The following CA12 variants were observed in gnomAD, a reference collection of about 807,000 sequenced individuals.
CA12 encodes carbonate dehydratase XII.
CA12 carries 36 observed loss-of-function variants against 46.8 expected under a neutral mutation model. That is an observed-to-expected ratio of 0.77 (90% CI 0.59 to 1.02). The LOEUF (loss-of-function observed/expected upper bound fraction) is 1.02, where lower values mean the gene tolerates loss of function less well. CA12 is among the 50% of genes least tolerant of loss of function. The pLI, the probability that CA12 is intolerant of heterozygous loss-of-function variation, is 0.00. For missense variants in CA12, 436 were observed against 451.4 expected, an observed-to-expected ratio of 0.97 and a Z score of 0.31; for synonymous variants, 202 against 187.0, an observed-to-expected ratio of 1.08 and a Z score of -0.65.
intron 1 of CA12, among the ~76,000 whole-genome samples, chr15:63,376,370 A>G (rs1470250050): frequency 1.3e-5 from 2 of 152,214 alleles, no homozygotes; most frequent in South Asian, 2.1e-4. Context: ...CCCTGCTTCC[A>G]TTAGACAAGG....
At chr15:63,377,359 C>G (rs1008762219) in intron 1 of CA12, among the ~76,000 whole-genome samples, 3 of 152,176 alleles carry the variant, frequency 2.0e-5, no homozygotes, top group African/African-American at 7.2e-5. Flanking sequence ...CATCCCCTTT[C>G]TCTCGTGGGA....
chr15:63,358,250 A>G (rs2152622196), intron 2 of CA12, among the ~76,000 whole-genome samples: 1 of 152,378 alleles, frequency 6.6e-6, no homozygotes, highest in Non-Finnish European at 1.5e-5. Flanking sequence ...GGAAAGGAAG[A>G]TGGAGAAAAT....
Position 63,346,596 on chromosome 15 carries a change from G to A in CA12, c.220C>T (p.Leu74Phe), listed in dbSNP as rs889321649. Residue 74 changes from leucine (L) to phenylalanine (F), a missense_variant, in exon 3 of 11, where the codon CTC becomes TTC. Coordinates refer to ENST00000178638, the MANE Select transcript of CA12 (RefSeq NM_001218.5). ...ILQYDASLTP[L>F]EFQGYNLSAN... Reference sequence around the variant, plus strand: ...GACAGATTGTAGCCTTGGAACTCGAGGGGCGTGAGGCTGGCGTCATACTGG... The same window carrying A: ...GACAGATTGTAGCCTTGGAACTCGAAGGGCGTGAGGCTGGCGTCATACTGG... 1.2e-6 allele frequency: 2 copies of A among 1,614,102 alleles called. No individual in the cohort carries two copies. Among genetic ancestry groups the A allele is most frequent in the Non-Finnish European group, 1.7e-6 (2 of 1,180,018 alleles).
chr15:63,329,172 G>C lies in CA12; in HGVS notation c.875-1042C>G, dbSNP rs182674162. Reference sequence around the variant, plus strand: ...GCCCATCAGCTTGTCATCATGGTTTGGTTCTATTTTTGCTTTGTCCCTCCT... The same window carrying C: ...GCCCATCAGCTTGTCATCATGGTTTCGTTCTATTTTTGCTTTGTCCCTCCT... On this transcript the variant is annotated intron_variant, in intron 8 of 10. Coordinates refer to ENST00000178638, the MANE Select transcript of CA12 (RefSeq NM_001218.5). The surrounding 1 kb of genome is among the most constrained non-coding windows in gnomAD (Gnocchi z 4.8). 1.3e-5 allele frequency among the ~76,000 whole-genome samples: 2 copies of C among 152,312 alleles called. No individual in the cohort carries two copies. The highest frequency in any genetic ancestry group is 1.9e-4 in the East Asian group (1 of 5,184).
In CA12 at chr15:63,335,448, AT is replaced by A. The variant is rs985025795; in HGVS notation, c.874+3370del. 6.6e-5 allele frequency among the ~76,000 whole-genome samples: 10 copies of A among 151,128 alleles called. No individual in the cohort carries two copies. The East Asian group carries it at 1.6e-3, about 23-fold the overall frequency. On this transcript the variant is annotated intron_variant, in intron 8 of 10. Coordinates refer to ENST00000178638, the MANE Select transcript of CA12 (RefSeq NM_001218.5). ...GTCCATGTACTTTCTCTCATAGGGAATTTTTTTTTAATTTTTAAATTTTAAT... is the reference window on the plus strand; with the variant it reads ...GTCCATGTACTTTCTCTCATAGGGAATTTTTTTTAATTTTTAAATTTTAAT...
chr15:63,321,510 C>T lies in CA12; in HGVS notation c.*4775G>A, dbSNP rs1010979634. On this transcript the variant is annotated 3_prime_UTR_variant, in exon 11 of 11. Coordinates refer to ENST00000178638, the MANE Select transcript of CA12 (RefSeq NM_001218.5). This position sits in a 1 kb window ranked among gnomAD's most constrained non-coding sequence, Gnocchi z 4.5. ...GACACCCTCGGTGGCATTGTCGGGC[C>T]ACATACCTTTCCCCTCACATCCTGC... 1 of 152,272 alleles carries T rather than the reference C, an allele frequency of 6.6e-6. No individual in the cohort carries two copies. Among genetic ancestry groups the T allele is most frequent in the African/African-American group, 2.4e-5 (1 of 41,468 alleles). The allele number at this position is 152,272 out of a possible 1,614,324, so 9.4% of individuals were successfully genotyped here. A position where few individuals can be genotyped will look rare whatever the true frequency, so the allele number is the denominator to read the frequency against.
chr15:63,342,652 T>A (rs1595780254), intron 4 of CA12, among the ~76,000 whole-genome samples: 1 of 152,174 alleles, frequency 6.6e-6, no homozygotes, highest in Non-Finnish European at 1.5e-5. Flanking sequence ...TCCAACTCCC[T>A]CTTCCCATCA....
intron 2 of CA12, among the ~76,000 whole-genome samples, 160 bp from the exon 3 acceptor site, chr15:63,346,869 C>T (rs1274999630): frequency 6.6e-6 from 1 of 152,156 alleles, no homozygotes; most frequent in Non-Finnish European, 1.5e-5. Context: ...AGAATCAGGT[C>T]CAGCAACCAC....
At chr15:63,364,331 A>AG (rs2039407921) in intron 2 of CA12, among the ~76,000 whole-genome samples, 1 of 133,948 alleles carries the variant, frequency 7.5e-6, no homozygotes, top group South Asian at 2.6e-4. Context: ...CCCCGTCACT[A>AG]GAAAAAAAAA....
intron 2 of CA12, among the ~76,000 whole-genome samples, chr15:63,359,140 C>T (rs1385658259): frequency 6.6e-6 from 1 of 152,194 alleles, no homozygotes; most frequent in African/African-American, 2.4e-5. Context: ...CCAGCTCTGC[C>T]CCTGCCCAGT....
rs1337436120 is a variant in CA12 at position 63,348,833 on chromosome 15, G to C, written c.107-2124C>G. On this transcript the variant is annotated intron_variant, in intron 2 of 10. Transcript: ENST00000178638. This position sits in a 1 kb window ranked among gnomAD's most constrained non-coding sequence, Gnocchi z 4.6. ...ATAAGTAGGGTCACGTGCCCCCATG[G>C]GCATTTAGGAAACATTTTCCCAAAG... 6.6e-6 allele frequency among the ~76,000 whole-genome samples: 1 copy of C among 152,204 alleles called. No individual in the cohort carries two copies. The highest frequency in any genetic ancestry group is 1.5e-5 in the Non-Finnish European group (1 of 68,032).
intron 2 of CA12, among the ~76,000 whole-genome samples, chr15:63,371,628 C>T (rs968409301): frequency 7.2e-5 from 11 of 152,232 alleles, no homozygotes; most frequent in African/African-American, 2.4e-4. Context: ...CTTCTGCCAT[C>T]CCATCGCGTT....
At chr15:63,337,052 A>G (rs2039013198) in intron 8 of CA12, among the ~76,000 whole-genome samples, 1 of 152,240 alleles carries the variant, frequency 6.6e-6, no homozygotes, top group South Asian at 2.1e-4. Context: ...GATACATTCC[A>G]TGCACTCAGT....
Position 63,341,336 on chromosome 15 carries a change from T to C in CA12, c.526-553A>G, listed in dbSNP as rs564750532. Among the ~76,000 whole-genome samples, 1 of 152,118 alleles carries C rather than the reference T, an allele frequency of 6.6e-6. No individual in the cohort carries two copies. Among genetic ancestry groups the C allele is most frequent in the East Asian group, 1.9e-4 (1 of 5,174 alleles). On this transcript the variant is annotated intron_variant, in intron 5 of 10. Transcript: ENST00000178638. This position sits in a 1 kb window ranked among gnomAD's most constrained non-coding sequence, Gnocchi z 5.2. The stretch of plus-strand genomic sequence containing the variant: ...AGGAACTGGGCCGCACAGCAGGAGG[T>C]GAGCAGCGGGCAAGCAAGCATTACA...
chr15:63,350,764 A>G, intron 2 of CA12, among the ~76,000 whole-genome samples: 1 of 152,316 alleles, frequency 6.6e-6, no homozygotes, highest in South Asian at 2.1e-4. Context: ...AAAATTTCAA[A>G]TGTATACAAT....
rs201569887 is a variant in CA12, at chr15:63,340,287, C to T, written c.747+1G>A. 1 of 1,614,170 alleles carries T rather than the reference C, an allele frequency of 6.2e-7. No homozygotes were observed. Among genetic ancestry groups the T allele is most frequent in the East Asian group, 2.2e-5 (1 of 44,882 alleles). ...CTGGCTGAGTCTGGCACGACAGTTACCTGCTCCTGGGAAATTTGCACGGGG... is the reference window on the plus strand; with the variant it reads ...CTGGCTGAGTCTGGCACGACAGTTATCTGCTCCTGGGAAATTTGCACGGGG... On this transcript the variant is annotated splice_donor_variant, in intron 7 of 10. Coordinates refer to ENST00000178638, the MANE Select transcript of CA12 (RefSeq NM_001218.5). LOFTEE classifies it high-confidence loss of function. This position sits in a 1 kb window ranked among gnomAD's most constrained non-coding sequence, Gnocchi z 4.4.
chr15:63,338,777 C>T, intron 8 of CA12, 42 bp downstream of exon 8: 1 of 1,612,246 alleles, frequency 6.2e-7, no homozygotes, highest in Admixed American at 1.7e-5. Context: ...GTCTTGGCAC[C>T]ACACTCCCGC....
chr15:63,336,883 G>A (rs759540942), intron 8 of CA12, among the ~76,000 whole-genome samples: 106 of 152,088 alleles, frequency 7.0e-4, no homozygotes, highest in Admixed American at 1.4e-3. Context: ...TCCTGGGATC[G>A]CGAGCAAAAT....
At chr15:63,364,352 A>AAAAAAAAAC in intron 2 of CA12, among the ~76,000 whole-genome samples, 2 of 147,500 alleles carry the variant, frequency 1.4e-5, no homozygotes, top group Non-Finnish European at 3.0e-5. Flanking sequence ...AAAAAAAAAA[A>AAAAAAAAAC]AAACAGTGGG....
Sources: allele counts gnomAD v4.1 joint callset (sites outside exome capture counted in the v4.1 genomes callset), GRCh38; gene constraint gnomAD v4.1.1; non-coding constraint Gnocchi (gnomAD v3.1); transcripts MANE v1.5; gene names NCBI Gene and HGNC (gene_info 2026-07-23, HGNC 2026-07-21).